CCSAP: variants seen among roughly 807,000 people sequenced by gnomAD.
CCSAP encodes centriole, cilia and spindle-associated protein.
Under a neutral mutation model 25.9 loss-of-function variants are expected in CCSAP, and 17 were observed. The observed-to-expected ratio is 0.66, with a 90% CI of 0.45 to 0.99. CCSAP has a LOEUF of 0.99. Among genes scored for constraint, CCSAP ranks in the 50% least tolerant of loss-of-function variants. The probability of loss-of-function intolerance (pLI) is 0.00; values close to 1 mark genes in which losing one functional copy is unlikely to be tolerated. For synonymous variants in CCSAP, 169 were observed against 157.1 expected, an observed-to-expected ratio of 1.08 and a Z score of -0.57; for missense variants, 339 against 367.8, an observed-to-expected ratio of 0.92 and a Z score of 0.64.
chr1:229,331,787 TTTATTA>T (rs139107975), intron 2 of CCSAP, among the ~76,000 whole-genome samples: 4,053 of 140,608 alleles, frequency 0.029, 79 homozygotes, highest in African/African-American at 0.033. Context: ...CTAATATCCT[TTTATTA>T]TTATTATTAT....
chr1:229,334,115 G>A lies in CCSAP; in HGVS notation c.368-7109C>T, dbSNP rs180834134. Among the ~76,000 whole-genome samples the A allele has an allele frequency of 2.2e-3, 331 of 152,114 alleles. 2 individuals carry two copies. Among genetic ancestry groups the A allele is most frequent in the African/African-American group, 6.0e-3 (248 of 41,462 alleles). ...AGAAACAGTCTCACTCTGTCACCCA[G>A]GCTGGAGTGCAATGGCACGATCTCA... On this transcript the variant is annotated intron_variant, in intron 2 of 3. Coordinates refer to ENST00000284617, the MANE Select transcript of CCSAP (RefSeq NM_145257.5).
chr1:229,342,034 G>A lies in CCSAP; in HGVS notation c.367+65C>T, dbSNP rs1658344501. On this transcript the variant is annotated intron_variant, in intron 2 of 3. Transcript: ENST00000284617. This position sits in a 1 kb window ranked among gnomAD's most constrained non-coding sequence, Gnocchi z 7.5. ...TGGCGCAAGAAATAAGAGATCAGCT[G>A]CTCAGAGCTTAGAGCAAACCGTCCC... The A allele has an allele frequency of 7.8e-7, 1 of 1,276,628 alleles. No homozygotes were observed. The highest frequency in any genetic ancestry group is 3.5e-5 in the South Asian group (1 of 28,850). The allele number at this position is 1,276,628 out of a possible 1,614,324, so 79.1% of individuals were successfully genotyped here.
At chr1:229,328,458 G>T (rs1657997129) in intron 2 of CCSAP, among the ~76,000 whole-genome samples, 1 of 141,686 alleles carries the variant, frequency 7.1e-6, no homozygotes, top group Non-Finnish European at 1.5e-5. Context: ...GCATCACCAT[G>T]CCCAGGCAAT....
rs1238643785 is a variant in CCSAP, at chr1:229,342,777, A to T, written c.-49+135T>A. ...GGCAGGGAGGCTGCGGGCTGGGGCG[A>T]GGGGACCGCAGGAGACTGGGGCTGA... On this transcript the variant is annotated intron_variant, in intron 1 of 3. Coordinates refer to ENST00000284617, the MANE Select transcript of CCSAP (RefSeq NM_145257.5). The surrounding 1 kb of genome is among the most constrained non-coding windows in gnomAD (Gnocchi z 7.5). 5 of 216,404 alleles carry T rather than the reference A, an allele frequency of 2.3e-5. No individual in the cohort carries two copies. In the East Asian group the frequency reaches 4.0e-4, roughly 17 times the overall value. 13.4% of individuals were successfully genotyped at this position (216,404 alleles called of 1,614,324 possible).
intron 2 of CCSAP, among the ~76,000 whole-genome samples, chr1:229,333,431 G>GCAAAA (rs1553304883): frequency 1.4e-5 from 1 of 70,498 alleles, no homozygotes; most frequent in African/African-American, 5.4e-5. Context: ...AGACTCCATC[G>GCAAAA]AAAAAAAAAA....
In CCSAP at chr1:229,325,822, C is replaced by A. The variant is rs184839539; in HGVS notation, c.637-411G>T. ...ATGTTTAACATCAGTATACCAAAGA[C>A]ATCTCGAGATTTTACCACCTAAGAT... On this transcript the variant is annotated intron_variant, in intron 3 of 3. Transcript: ENST00000284617. Among the ~76,000 whole-genome samples the A allele has an allele frequency of 2.4e-3, 367 of 152,356 alleles. 2 individuals are homozygous for A. Among genetic ancestry groups the A allele is most frequent in the African/African-American group, 8.2e-3 (340 of 41,580 alleles).
At chr1:229,336,163 A>G (rs1658190385) in intron 2 of CCSAP, among the ~76,000 whole-genome samples, 1 of 148,350 alleles carries the variant, frequency 6.7e-6, no homozygotes, top group African/African-American at 2.5e-5. Flanking sequence ...CCCAGATACC[A>G]AGGGACAACT....
At chr1:229,337,678 A>AATATATATATATATATATATAT (rs60399703) in intron 2 of CCSAP, among the ~76,000 whole-genome samples, 1 of 65,512 alleles carries the variant, frequency 1.5e-5, no homozygotes, top group Admixed American at 1.9e-4. Context: ...CTCAAAAAAA[A>AATATATATATATATATATATAT]ATATATATAT....
chr1:229,328,615 T>C (rs1658000848), intron 2 of CCSAP, among the ~76,000 whole-genome samples: 1 of 152,204 alleles, frequency 6.6e-6, no homozygotes, highest in Non-Finnish European at 1.5e-5. Context: ...CCATCAGTGA[T>C]GATTTTATAG....
chr1:229,335,691 G>C (rs1297963928), intron 2 of CCSAP, among the ~76,000 whole-genome samples: 1 of 152,148 alleles, frequency 6.6e-6, no homozygotes, highest in Non-Finnish European at 1.5e-5. Flanking sequence ...TCTGAGGAAG[G>C]CCAGGCACAG....
rs1217995188 is a variant in CCSAP, at chr1:229,340,573, GA to G, written c.367+1525del. The G allele has an allele frequency of 6.6e-6, 4 of 605,200 alleles. No individual in the cohort carries two copies. The African/African-American group carries it at 7.5e-5, about 11-fold the overall frequency. The allele number at this position is 605,200 out of a possible 1,614,324, so 37.5% of individuals were successfully genotyped here. A position where few individuals can be genotyped will look rare whatever the true frequency, so the allele number is the denominator to read the frequency against. ...TTAGCTAGCAGATCAGTACCCACAGGAATAATCTGGAAGGCATGTTCCCTAC... is the reference window on the plus strand; with the variant it reads ...TTAGCTAGCAGATCAGTACCCACAGGATAATCTGGAAGGCATGTTCCCTAC... On this transcript the variant is annotated intron_variant, in intron 2 of 3. Transcript: ENST00000284617.
At chr1:229,328,339 T>C (rs237806) in intron 2 of CCSAP, among the ~76,000 whole-genome samples, 97,758 of 151,986 alleles carry the variant, frequency 0.64, 31,615 homozygotes, top group African/African-American at 0.68. Context: ...TCTCACTTGT[T>C]GCCCAGGCTG....
At chr1:229,338,045 T>C (rs1658243414) in intron 2 of CCSAP, among the ~76,000 whole-genome samples, 1 of 152,078 alleles carries the variant, frequency 6.6e-6, no homozygotes, top group Non-Finnish European at 1.5e-5. Flanking sequence ...CCTGCAAATA[T>C]CTACACAGCC....
At chr1:229,330,590 C>T (rs1658043622) in intron 2 of CCSAP, among the ~76,000 whole-genome samples, 1 of 152,214 alleles carries the variant, frequency 6.6e-6, no homozygotes, top group Non-Finnish European at 1.5e-5. Flanking sequence ...CGCCTATAAT[C>T]CCAGCACTTT....
chr1:229,336,505 T>C (rs1487917742), intron 2 of CCSAP, among the ~76,000 whole-genome samples: 2 of 152,174 alleles, frequency 1.3e-5, no homozygotes, highest in African/African-American at 4.8e-5. Flanking sequence ...AGACTGCAGA[T>C]GCACTGTCTG....
At chr1:229,331,417 T>G (rs1056750384) in intron 2 of CCSAP, among the ~76,000 whole-genome samples, 1 of 152,156 alleles carries the variant, frequency 6.6e-6, no homozygotes, top group African/African-American at 2.4e-5. Flanking sequence ...TATAAAACTC[T>G]TTTGTAAAAC....
Position 229,325,193 on chromosome 1 carries a change from CATTTACACTTTT to C in CCSAP, c.*30_*41del, listed in dbSNP as rs997858958. 1 of 1,528,768 alleles carries C rather than the reference CATTTACACTTTT, an allele frequency of 6.5e-7. No individual in the cohort carries two copies. Among genetic ancestry groups the C allele is most frequent in the African/African-American group, 1.4e-5 (1 of 71,654 alleles). 94.7% of individuals were successfully genotyped at this position (1,528,768 alleles called of 1,614,324 possible). On this transcript the variant is annotated 3_prime_UTR_variant, in exon 4 of 4. Transcript: ENST00000284617. The stretch of plus-strand genomic sequence containing the variant: ...TTTTTGTTTTGTTTTTCCTTTCAGT[CATTTACACTTTT>C]TAAAAGAGGCTGTCCACGCAAGTGT...
intron 2 of CCSAP, among the ~76,000 whole-genome samples, chr1:229,334,245 A>G (rs889156860): frequency 6.6e-6 from 1 of 152,176 alleles, no homozygotes; most frequent in Non-Finnish European, 1.5e-5. Flanking sequence ...TAATTTTTGT[A>G]TTTTTAGTAG....
At chr1:229,340,797 CAG>C (rs1658312384) in intron 2 of CCSAP, among the ~76,000 whole-genome samples, 1 of 152,212 alleles carries the variant, frequency 6.6e-6, no homozygotes, top group Admixed American at 6.5e-5. Flanking sequence ...CAGCCTCTCA[CAG>C]AGAAGCCAGG....
Sources: gnomAD v4.1 joint callset for allele counts (sites outside exome capture counted in the v4.1 genomes callset) on GRCh38, gnomAD v4.1.1 for gene constraint, Gnocchi (gnomAD v3.1) non-coding constraint, MANE v1.5 for transcripts, NCBI Gene and HGNC (gene_info 2026-07-23, HGNC 2026-07-21) for gene names.